DGKB: variants seen among roughly 807,000 people sequenced by gnomAD.
DGKB encodes 90 kDa diacylglycerol kinase.
In DGKB, 67 loss-of-function variants were observed where a neutral mutation model predicts 114.3. That is an observed-to-expected ratio of 0.59 (90% CI 0.48 to 0.72). DGKB has a LOEUF of 0.72. DGKB is among the 30% of genes least tolerant of loss of function. DGKB has a pLI of 0.00. For missense variants in DGKB, 907 were observed against 975.2 expected (o/e 0.93, Z 0.93); for synonymous variants, 398 against 323.1 (o/e 1.23, Z -2.49).
chr7:14,912,769 C>T (rs1224778449), intron 1 of DGKB, among the ~76,000 whole-genome samples: 1 of 152,008 alleles, frequency 6.6e-6, no homozygotes, highest in Non-Finnish European at 1.5e-5. Flanking sequence ...TGGCTCCAGG[C>T]TCCATTTCTC....
chr7:14,822,756 T>C (rs1226671748), intron 2 of DGKB, among the ~76,000 whole-genome samples: 1 of 152,172 alleles, frequency 6.6e-6, no homozygotes, highest in Non-Finnish European at 1.5e-5. Context: ...AGTGAGTTGA[T>C]AGAAGGTTAA....
intron 21 of DGKB, among the ~76,000 whole-genome samples, chr7:14,352,266 T>A (rs1202268022): frequency 6.6e-6 from 1 of 152,182 alleles, no homozygotes; most frequent in African/African-American, 2.4e-5. Flanking sequence ...TATGTAAGTG[T>A]AAGAAAAGGA....
intron 2 of DGKB, among the ~76,000 whole-genome samples, chr7:14,772,480 A>C (rs1837562290): frequency 1.3e-5 from 2 of 152,214 alleles, no homozygotes; most frequent in African/African-American, 4.8e-5. Flanking sequence ...AAAAATGTTG[A>C]AGAATTTTTA....
chr7:14,442,788 C>T (rs1027728305), intron 21 of DGKB, among the ~76,000 whole-genome samples: 2 of 152,150 alleles, frequency 1.3e-5, no homozygotes, highest in African/African-American at 4.8e-5. Flanking sequence ...TGAAGCCATC[C>T]TCCTGCCTCT....
At chr7:14,173,509 T>C (rs1781314367) in intron 25 of DGKB, among the ~76,000 whole-genome samples, 1 of 152,182 alleles carries the variant, frequency 6.6e-6, no homozygotes, top group Non-Finnish European at 1.5e-5. Flanking sequence ...ATTCTACTAA[T>C]AGAAAAAACA....
At chr7:14,259,721 C>A (rs759028313) in intron 23 of DGKB, among the ~76,000 whole-genome samples, 1 of 152,144 alleles carries the variant, frequency 6.6e-6, no homozygotes, top group Admixed American at 6.5e-5. Flanking sequence ...CCACCGTGCC[C>A]AGCCAAAGTC....
chr7:14,585,177 G>A (rs1414017837), intron 17 of DGKB, among the ~76,000 whole-genome samples: 1 of 151,942 alleles, frequency 6.6e-6, no homozygotes, highest in Admixed American at 6.6e-5. Flanking sequence ...TTATATTGTG[G>A]ATATTTAACC....
At chr7:14,844,888 C>G (rs1648651356) in intron 1 of DGKB, among the ~76,000 whole-genome samples, 1 of 152,088 alleles carries the variant, frequency 6.6e-6, no homozygotes, top group African/African-American at 2.4e-5. Flanking sequence ...GGGTGGATCA[C>G]TTGAGCTCAG....
chr7:14,177,539 A>G (rs1334806691), intron 24 of DGKB, among the ~76,000 whole-genome samples: 1 of 129,526 alleles, frequency 7.7e-6, no homozygotes, highest in Non-Finnish European at 1.6e-5. Context: ...GGGCAACAAG[A>G]GTGAAACTCC....
chr7:14,306,191 A>G (rs959588435), intron 23 of DGKB, among the ~76,000 whole-genome samples: 2 of 152,174 alleles, frequency 1.3e-5, no homozygotes, highest in African/African-American at 4.8e-5. Flanking sequence ...AAATATATAC[A>G]CAGATACACA....
chr7:14,616,536 TG>T (rs1460526555), intron 15 of DGKB, among the ~76,000 whole-genome samples: 1 of 151,820 alleles, frequency 6.6e-6, no homozygotes, highest in Non-Finnish European at 1.5e-5. Context: ...TTATAGATTT[TG>T]GTGGAGTAGG....
At chr7:14,928,801 T>A (rs1784865826) in intron 1 of DGKB, among the ~76,000 whole-genome samples, 1 of 151,856 alleles carries the variant, frequency 6.6e-6, no homozygotes, top group Non-Finnish European at 1.5e-5. Flanking sequence ...ACCGATTAAG[T>A]AATTTCTCAT....
chr7:14,889,040 C>A (rs170094), intron 1 of DGKB, among the ~76,000 whole-genome samples: 1 of 151,238 alleles, frequency 6.6e-6, no homozygotes, highest in Non-Finnish European at 1.5e-5. Flanking sequence ...AGTGCAGGAG[C>A]CAGTCCACAA....
intron 13 of DGKB, among the ~76,000 whole-genome samples, chr7:14,662,189 A>C (rs1292934479): frequency 6.9e-6 from 1 of 145,522 alleles, no homozygotes; most frequent in East Asian, 2.1e-4. Context: ...CATGTACCCT[A>C]AAACTTAAAG....
At chr7:14,478,964 G>A (rs1043999508) in intron 20 of DGKB, among the ~76,000 whole-genome samples, 22 of 152,170 alleles carry the variant, frequency 1.4e-4, no homozygotes, top group African/African-American at 4.6e-4. Context: ...CATACTCAAT[G>A]TGTGAGACTG....
intron 23 of DGKB, among the ~76,000 whole-genome samples, chr7:14,290,697 A>G (rs1411851309): frequency 1.3e-5 from 2 of 152,172 alleles, no homozygotes; most frequent in African/African-American, 4.8e-5. Context: ...GTCTCATGCC[A>G]TGATGAATGT....
At chr7:14,476,071 G>C (rs945013646) in intron 21 of DGKB, among the ~76,000 whole-genome samples, 1 of 151,692 alleles carries the variant, frequency 6.6e-6, no homozygotes, top group Non-Finnish European at 1.5e-5. Flanking sequence ...ACTCCAAAAG[G>C]TATTATCCAA....
chr7:14,973,944 T>G (rs1410691003), intron 1 of DGKB, among the ~76,000 whole-genome samples: 4 of 149,660 alleles, frequency 2.7e-5, no homozygotes, highest in African/African-American at 9.7e-5. Context: ...TAAAATAAAA[T>G]TAAAACATAC....
chr7:14,612,490 G>A (rs1047824014), intron 16 of DGKB, among the ~76,000 whole-genome samples: 1 of 152,026 alleles, frequency 6.6e-6, no homozygotes, highest in East Asian at 1.9e-4. Context: ...ATTCAATAAT[G>A]AAAAGCATTC....
Sources: allele counts gnomAD v4.1 joint callset (sites outside exome capture counted in the v4.1 genomes callset), GRCh38; gene constraint gnomAD v4.1.1; transcripts MANE v1.5; gene names NCBI Gene and HGNC (gene_info 2026-07-23, HGNC 2026-07-21).